ACSL5: variants seen among roughly 807,000 people sequenced by gnomAD.
The protein encoded by ACSL5 is long-chain-fatty-acid--CoA ligase 5.
Under a neutral mutation model 84.9 loss-of-function variants are expected in ACSL5, and 50 were observed. The observed-to-expected ratio is 0.59, with a 90% CI of 0.47 to 0.75. The LOEUF (loss-of-function observed/expected upper bound fraction) is 0.75, where lower values mean the gene tolerates loss of function less well. Among genes scored for constraint, ACSL5 ranks in the 30% least tolerant of loss-of-function variants. ACSL5 has a pLI of 0.00. For synonymous variants in ACSL5, 280 were observed against 300.7 expected (o/e 0.93, Z 0.71); for missense variants, 775 against 830.4 (o/e 0.93, Z 0.82).
intron 18 of ACSL5, 61 bp from the exon 19 acceptor site, chr10:112,426,196 AC>A: frequency 7.7e-7 from 1 of 1,300,046 alleles, no homozygotes; most frequent in Non-Finnish European, 1.1e-6. Context: ...TTATTTAACT[AC>A]TGGGGGACAT....
chr10:112,411,403 G>A, intron 9 of ACSL5, 53 bp from the exon 10 acceptor site: 2 of 1,471,018 alleles, frequency 1.4e-6, no homozygotes, highest in South Asian at 1.2e-5. Flanking sequence ...AAGGCCAAAG[G>A]CTACCTATTA....
intron 1 of ACSL5, among the ~76,000 whole-genome samples, chr10:112,378,379 T>C (rs569455268): frequency 7.9e-4 from 120 of 151,944 alleles, no homozygotes; most frequent in African/African-American, 2.8e-3. Context: ...CCTGAGTAGC[T>C]GGGATTACAG....
chr10:112,405,675 A>G (rs1038512089), intron 5 of ACSL5, among the ~76,000 whole-genome samples: 5 of 152,228 alleles, frequency 3.3e-5, no homozygotes, highest in African/African-American at 1.2e-4. Context: ...CATGGGGGTT[A>G]GGACCACTGC....
At chr10:112,407,886 T>C (rs935426429) in intron 5 of ACSL5, among the ~76,000 whole-genome samples, 1 of 152,204 alleles carries the variant, frequency 6.6e-6, no homozygotes, top group Non-Finnish European at 1.5e-5. Context: ...ATGGAACTTA[T>C]CACACTCTGC....
intron 1 of ACSL5, among the ~76,000 whole-genome samples, chr10:112,386,256 C>T (rs1348578649): frequency 3.1e-5 from 4 of 129,688 alleles, no homozygotes; most frequent in Admixed American, 1.8e-4. Flanking sequence ...TGCAGTGGTG[C>T]AATCTCGGCT....
At chr10:112,426,184 CTTTA>C in intron 18 of ACSL5, 70 bp from the exon 19 acceptor site, 10 of 1,171,274 alleles carry the variant, frequency 8.5e-6, no homozygotes, top group South Asian at 5.1e-5. Context: ...CATAATTCTG[CTTTA>C]TTTAACTACT....
At position 112,426,856 on chromosome 10, in the gene ACSL5, A is replaced by C. The variant is rs1170604937; in HGVS notation, c.1908A>C (p.Glu636Asp). 1 of 1,610,730 alleles carries C rather than the reference A, an allele frequency of 6.2e-7. No individual in the cohort carries two copies. The highest frequency in any genetic ancestry group is 8.5e-7 in the Non-Finnish European group (1 of 1,177,058). The change falls in exon 20 of 21, where the codon GAA (glutamate) becomes GAC (aspartate). Residue 636 changes from glutamate to aspartate, a missense_variant. By Grantham distance (45) the Glu-to-Asp change is conservative (BLOSUM62 2). Transcript: ENST00000354655. Reference sequence around the variant, plus strand: ...AAGAAAGTGGCCTTAAAACTTTTGAACAGGTGTGTGCTACCACTGATGTTA... The same window carrying C: ...AAGAAAGTGGCCTTAAAACTTTTGACCAGGTGTGTGCTACCACTGATGTTA... ...IGKESGLKTF[E>D]QVKAIFLHPE...
chr10:112,388,198 C>T (rs1849492065), intron 1 of ACSL5, among the ~76,000 whole-genome samples: 1 of 152,182 alleles, frequency 6.6e-6, no homozygotes, highest in African/African-American at 2.4e-5. Context: ...CCTTGGCCTC[C>T]CAACGTGCTG....
intron 1 of ACSL5, among the ~76,000 whole-genome samples, chr10:112,377,520 C>G (rs1447690862): frequency 6.6e-6 from 1 of 152,122 alleles, no homozygotes; most frequent in Non-Finnish European, 1.5e-5. Context: ...GATGACAGAG[C>G]AAGACTCTGG....
At position 112,401,790 on chromosome 10, in the gene ACSL5, T is replaced by TTCTTTCTTTCTTTTTCTTTCTTTC. The variant is rs1843901008; in HGVS notation, c.266-2708_266-2707insTTCTTTCTTTCTCTTTCTTTCTTT. 3.1e-5 allele frequency among the ~76,000 whole-genome samples: 3 copies of TTCTTTCTTTCTTTTTCTTTCTTTC among 96,506 alleles called. No individual in the cohort carries two copies. The East Asian group carries it at 8.1e-4, about 26-fold the overall frequency. The allele number at this position is 96,506 out of a possible 152,430, so 63.3% of individuals were successfully genotyped here. A position where few individuals can be genotyped will look rare whatever the true frequency, so the allele number is the denominator to read the frequency against. Reference sequence around the variant, plus strand: ...TTTCTTTCTTTTTCTTTCTTTCTCTTTCTTTCTTTCTTTCTTTCTTTCTTT... The same window carrying TTCTTTCTTTCTTTTTCTTTCTTTC: ...TTTCTTTCTTTTTCTTTCTTTCTCTTTCTTTCTTTCTTTTTCTTTCTTTCTCTTTCTTTCTTTCTTTCTTTCTTT... On this transcript the variant is annotated intron_variant, in intron 3 of 20. Coordinates refer to ENST00000354655, the MANE Select transcript of ACSL5 (RefSeq NM_203379.2).
intron 2 of ACSL5, among the ~76,000 whole-genome samples, chr10:112,397,659 C>G (rs1589681170): frequency 6.6e-6 from 1 of 152,094 alleles, no homozygotes; most frequent in East Asian, 1.9e-4. Context: ...ATTGAAATAC[C>G]ATTTCTTCTC....
chr10:112,417,189 AGGG>A, intron 13 of ACSL5, among the ~76,000 whole-genome samples, 167 bp downstream of exon 13: 1 of 104,062 alleles, frequency 9.6e-6, no homozygotes, highest in African/African-American at 3.5e-5. Flanking sequence ...TTACTACTAA[AGGG>A]AGTAGGTTTA....
chr10:112,398,889 C>A lies in ACSL5; in HGVS notation c.157-12C>A, dbSNP rs1197473836. The A allele has an allele frequency of 6.2e-7, 1 of 1,612,286 alleles. No individual in the cohort carries two copies. The highest frequency in any genetic ancestry group is 1.7e-5 in the Admixed American group (1 of 59,998). ...GACTTGAACTTGGCCTAAACTTGGT[C>A]TTGTGTCTTAGGGAGGAGCACGGAA... On this transcript the variant is annotated splice_polypyrimidine_tract_variant and intron_variant, in intron 2 of 20. Transcript: ENST00000354655.
intron 2 of ACSL5, 111 bp downstream of exon 2, chr10:112,395,213 G>C: frequency 9.3e-7 from 1 of 1,073,016 alleles, no homozygotes; most frequent in Non-Finnish European, 1.3e-6. Flanking sequence ...GGAAAGTAAA[G>C]CTTTCATGTT....
At chr10:112,422,058 T>C (rs367735820) in intron 16 of ACSL5, 23 bp downstream of exon 16, 1 of 1,609,862 alleles carries the variant, frequency 6.2e-7, no homozygotes, top group African/African-American at 1.3e-5. Flanking sequence ...TGCCCTGTGG[T>C]CAGACAGTCA....
Position 112,408,516 on chromosome 10 carries a change from A to T in ACSL5, c.527A>T (p.Asn176Ile), listed in dbSNP as rs771314917. 6.2e-6 allele frequency: 10 copies of T among 1,602,154 alleles called. No individual in the cohort carries two copies. The highest frequency in any genetic ancestry group is 8.6e-6 in the Non-Finnish European group (10 of 1,169,262). The change falls in exon 6 of 21, where the codon AAC (asparagine) becomes ATC (isoleucine). Residue 176 changes from asparagine to isoleucine, a missense_variant. By Grantham distance (149) the Asn-to-Ile change is moderately radical. Coordinates refer to ENST00000354655, the MANE Select transcript of ACSL5 (RefSeq NM_203379.2). ...CCAGAAGCCATCGTACATATTGTCA[A>T]CAAGGGTAAAATTTTGCTGTTACAT... The part of the protein sequence containing the change: ...LGPEAIVHIV[N>I]KADIAMVICD...
chr10:112,391,585 C>A (rs1843640471), intron 1 of ACSL5, among the ~76,000 whole-genome samples: 1 of 152,132 alleles, frequency 6.6e-6, no homozygotes, highest in Non-Finnish European at 1.5e-5. Context: ...GTGTAAATAT[C>A]TCCCTTGTTT....
chr10:112,426,431 C>A, intron 19 of ACSL5, 72 bp downstream of exon 19: 1 of 1,300,244 alleles, frequency 7.7e-7, no homozygotes. Flanking sequence ...CTCACCAGTT[C>A]CTGCATCTGT....
At chr10:112,391,828 T>C (rs1417762353) in intron 1 of ACSL5, among the ~76,000 whole-genome samples, 2 of 152,226 alleles carry the variant, frequency 1.3e-5, no homozygotes, top group Non-Finnish European at 1.5e-5. Context: ...TGACCCATAG[T>C]ATTGTTACTA....
Sources: allele counts gnomAD v4.1 joint callset (sites outside exome capture counted in the v4.1 genomes callset), GRCh38; gene constraint gnomAD v4.1.1; transcripts MANE v1.5; gene names NCBI Gene and HGNC (gene_info 2026-07-23, HGNC 2026-07-21).